Variants in HMBOX1 observed in about 807,000 individuals in gnomAD.
HMBOX1 encodes the protein homeobox containing 1.
A neutral mutation model predicts 54.5 loss-of-function variants in HMBOX1; 14 were observed. The observed-to-expected ratio is 0.26, with a 90% CI of 0.17 to 0.40. The LOEUF (loss-of-function observed/expected upper bound fraction) is 0.40, where lower values mean the gene tolerates loss of function less well. Ranked by LOEUF, HMBOX1 falls within the 10% of genes least tolerant of loss-of-function variation. The pLI is 1.00. For missense variants in HMBOX1, 332 were observed against 514.4 expected (o/e 0.65, Z 3.43); for synonymous variants, 160 against 181.0 (o/e 0.88, Z 0.93).
chr8:29,014,419 T>G (rs1211319942), intron 5 of HMBOX1, among the ~76,000 whole-genome samples: 2 of 152,126 alleles, frequency 1.3e-5, no homozygotes, highest in Non-Finnish European at 2.9e-5. Context: ...TCTGTTAGAG[T>G]CAGTAATTTT....
chr8:28,901,358 T>C (rs1813201822), intron 1 of HMBOX1, among the ~76,000 whole-genome samples: 1 of 152,186 alleles, frequency 6.6e-6, no homozygotes, highest in Non-Finnish European at 1.5e-5. Context: ...CATTCTTTTC[T>C]CTCTTGTTAA....
At chr8:29,009,992 C>G in intron 5 of HMBOX1, 3 of 983,814 alleles carry the variant, frequency 3.0e-6, no homozygotes, top group Non-Finnish European at 3.6e-6. Context: ...TGAAATATTG[C>G]ATAATAATAG....
chr8:29,022,976 AAC>A (rs1371262399), intron 6 of HMBOX1, among the ~76,000 whole-genome samples: 1 of 152,218 alleles, frequency 6.6e-6, no homozygotes, highest in Non-Finnish European at 1.5e-5. Flanking sequence ...ATGTGTTTAT[AAC>A]ACAGTAATTT....
In HMBOX1 at chr8:29,016,114, T is replaced by C. The variant is rs140908714; in HGVS notation, c.698-2646T>C. Among the ~76,000 whole-genome samples, 91 of 152,334 alleles carry C rather than the reference T, an allele frequency of 6.0e-4. No individual in the cohort carries two copies. The East Asian group carries it at 0.012, about 20-fold the overall frequency. Reference sequence around the variant, plus strand: ...AAGATATAAAGATACTCAGTGATATTCAAGCCCATTGGCCATAATACAAAA... The same window carrying C: ...AAGATATAAAGATACTCAGTGATATCCAAGCCCATTGGCCATAATACAAAA... On this transcript the variant is annotated intron_variant, in intron 5 of 9. Coordinates refer to ENST00000287701, the MANE Select transcript of HMBOX1 (RefSeq NM_001135726.3).
chr8:29,004,339 C>T (rs935987239), intron 4 of HMBOX1, among the ~76,000 whole-genome samples: 4 of 152,042 alleles, frequency 2.6e-5, no homozygotes, highest in Non-Finnish European at 5.9e-5. Flanking sequence ...GCCCTGAAGT[C>T]GACTGAAAAG....
intron 2 of HMBOX1, among the ~76,000 whole-genome samples, chr8:28,967,850 G>A (rs1826699459): frequency 6.6e-6 from 1 of 152,166 alleles, no homozygotes; most frequent in African/African-American, 2.4e-5. Context: ...GAAGAAATCA[G>A]ACCCTAACAT....
At chr8:29,043,975 G>A (rs1333368178) in intron 6 of HMBOX1, among the ~76,000 whole-genome samples, 1 of 152,012 alleles carries the variant, frequency 6.6e-6, no homozygotes, top group African/African-American at 2.4e-5. Flanking sequence ...AAGACTGGGA[G>A]GATATAGCTC....
At chr8:28,954,192 T>C (rs1823998166) in intron 1 of HMBOX1, among the ~76,000 whole-genome samples, 1 of 152,190 alleles carries the variant, frequency 6.6e-6, no homozygotes, top group African/African-American at 2.4e-5. Context: ...ATTCTGAGCA[T>C]TGCATACTTC....
intron 1 of HMBOX1, among the ~76,000 whole-genome samples, chr8:28,933,540 T>G (rs2131929677): frequency 6.6e-6 from 1 of 152,252 alleles, no homozygotes; most frequent in East Asian, 1.9e-4. Context: ...TCAATAAAAT[T>G]GATATACCTC....
intron 3 of HMBOX1, among the ~76,000 whole-genome samples, chr8:28,977,934 ACT>A (rs1391697727): frequency 2.0e-5 from 3 of 149,508 alleles, no homozygotes; most frequent in Non-Finnish European, 1.5e-5. Context: ...ACTGAGCGAG[ACT>A]CTGTCTCCAA....
intron 1 of HMBOX1, among the ~76,000 whole-genome samples, chr8:28,907,063 G>C (rs1196691517): frequency 6.6e-6 from 1 of 152,106 alleles, no homozygotes. Context: ...TGGCTTTATG[G>C]CAGGAATTAA....
chr8:28,923,536 C>T (rs1817897190), intron 1 of HMBOX1, among the ~76,000 whole-genome samples: 1 of 152,134 alleles, frequency 6.6e-6, no homozygotes, highest in Admixed American at 6.6e-5. Context: ...TGTCATTTGT[C>T]CCTAAGCAAT....
chr8:29,034,520 A>G (rs1014659808), intron 6 of HMBOX1, among the ~76,000 whole-genome samples: 1 of 152,228 alleles, frequency 6.6e-6, no homozygotes, highest in Non-Finnish European at 1.5e-5. Flanking sequence ...TATAAGTAGC[A>G]TAATTTTTGG....
intron 1 of HMBOX1, among the ~76,000 whole-genome samples, chr8:28,897,726 A>G (rs1812435148): frequency 6.6e-6 from 1 of 152,208 alleles, no homozygotes; most frequent in Non-Finnish European, 1.5e-5. Flanking sequence ...CAAGGCTTAC[A>G]TGGTATGTTT....
intron 3 of HMBOX1, among the ~76,000 whole-genome samples, chr8:28,975,507 A>G (rs1828218418): frequency 6.6e-6 from 1 of 152,218 alleles, no homozygotes; most frequent in South Asian, 2.1e-4. Flanking sequence ...TATAAAAATA[A>G]TGGCAATGGA....
chr8:28,920,624 C>G (rs1026831845), intron 1 of HMBOX1, among the ~76,000 whole-genome samples: 3 of 152,128 alleles, frequency 2.0e-5, no homozygotes, highest in African/African-American at 7.2e-5. Context: ...ATGCTGGAGA[C>G]TGTGGCTAGG....
At chr8:29,016,208 G>GA (rs1586500224) in intron 5 of HMBOX1, among the ~76,000 whole-genome samples, 1 of 152,126 alleles carries the variant, frequency 6.6e-6, no homozygotes, top group South Asian at 2.1e-4. Context: ...TGACAGACCA[G>GA]AAAAAAATTG....
chr8:29,034,554 G>T (rs953199180), intron 6 of HMBOX1, among the ~76,000 whole-genome samples: 2 of 152,116 alleles, frequency 1.3e-5, no homozygotes, highest in Admixed American at 6.6e-5. Context: ...GAATTAATTT[G>T]GCTTTTCAAG....
intron 1 of HMBOX1, among the ~76,000 whole-genome samples, chr8:28,954,497 A>T (rs957945643): frequency 6.6e-6 from 1 of 152,016 alleles, no homozygotes; most frequent in Non-Finnish European, 1.5e-5. Flanking sequence ...TTCTTCCCTG[A>T]TTTAAATATT....
Sources: allele counts gnomAD v4.1 joint callset (sites outside exome capture counted in the v4.1 genomes callset), GRCh38; gene constraint gnomAD v4.1.1; transcripts MANE v1.5; gene names NCBI Gene and HGNC (gene_info 2026-07-23, HGNC 2026-07-21).